DNAH9: variants seen among roughly 807,000 people sequenced by gnomAD.
DNAH9 encodes the protein DNAH9 variant protein.
A neutral mutation model predicts 471.6 loss-of-function variants in DNAH9; 345 were observed. The ratio of observed to expected loss-of-function variants is 0.73; its 90% CI spans 0.67 to 0.80. The LOEUF (loss-of-function observed/expected upper bound fraction) is 0.80. Ranked by LOEUF, DNAH9 falls within the 30% of genes least tolerant of loss-of-function variation. DNAH9 has a pLI of 0.00. For synonymous variants in DNAH9, 2,093 were observed against 2,123.6 expected (o/e 0.99, Z 0.40); for missense variants, 5,407 against 5,609.2 (o/e 0.96, Z 1.15).
chr17:11,804,749 C>T (rs1969602283), intron 43 of DNAH9, among the ~76,000 whole-genome samples: 2 of 151,964 alleles, frequency 1.3e-5, no homozygotes, highest in Admixed American at 1.3e-4. Context: ...TGGCAGGCAC[C>T]TGTAGTCCCA....
intron 61 of DNAH9, 38 bp from the exon 62 acceptor site, chr17:11,923,776 C>A (rs1353663178): frequency 6.2e-7 from 1 of 1,608,732 alleles, no homozygotes; most frequent in South Asian, 1.1e-5. Flanking sequence ...CATCATTAGA[C>A]ACAAGAAATA....
chr17:11,961,959 T>C lies in DNAH9; in HGVS notation c.12936T>C (p.Pro4312=), dbSNP rs1477601429. The change falls in exon 68 of 69, where the codon CCT becomes CCC. Residue 4312 remains proline (P), a synonymous_variant. Transcript: ENST00000262442. ...AGTCCTGGGCTAGACGAGCCTACCC[T>C]TCCACAGCAGGCCTGGCAGCCTGGT... ...VPESWARRAY[P]STAGLAAWFP... 9.3e-6 allele frequency: 15 copies of C among 1,614,038 alleles called. No individual in the cohort carries two copies. Among genetic ancestry groups the C allele is most frequent in the Non-Finnish European group, 1.3e-5 (15 of 1,180,038 alleles).
At chr17:11,690,841 C>G (rs2074322950) in intron 20 of DNAH9, among the ~76,000 whole-genome samples, 1 of 152,150 alleles carries the variant, frequency 6.6e-6, no homozygotes, top group African/African-American at 2.4e-5. Flanking sequence ...TCCTTCTCAG[C>G]AGCATGCCAT....
At chr17:11,748,215 T>C in intron 32 of DNAH9, among the ~76,000 whole-genome samples, 1 of 149,534 alleles carries the variant, frequency 6.7e-6, no homozygotes, top group East Asian at 2.0e-4. Context: ...TAGTCCCAGC[T>C]GCTCAGGAGA....
chr17:11,925,867 G>T (rs1460278262), intron 62 of DNAH9, among the ~76,000 whole-genome samples: 1 of 151,922 alleles, frequency 6.6e-6, no homozygotes. Flanking sequence ...GACGTAATCT[G>T]TCCACACTGT....
chr17:11,700,628 A>C (rs545273477), intron 23 of DNAH9, among the ~76,000 whole-genome samples: 21 of 152,320 alleles, frequency 1.4e-4, no homozygotes, highest in Admixed American at 3.3e-4. Context: ...ACCTATATCT[A>C]AGAAAGCAAT....
intron 66 of DNAH9, 49 bp from the exon 67 acceptor site, chr17:11,942,254 C>T (rs1296003079): frequency 6.9e-6 from 11 of 1,588,450 alleles, no homozygotes; most frequent in Non-Finnish European, 9.4e-6. Flanking sequence ...TGGATTCCTT[C>T]TGGAGAATAG....
intron 4 of DNAH9, among the ~76,000 whole-genome samples, chr17:11,616,361 G>A (rs901866590): frequency 6.6e-6 from 1 of 152,118 alleles, no homozygotes; most frequent in Non-Finnish European, 1.5e-5. Context: ...AGCTTCATCC[G>A]CATACTGTAA....
At chr17:11,651,570 T>C (rs143362339) in intron 13 of DNAH9, among the ~76,000 whole-genome samples, 1 of 151,718 alleles carries the variant, frequency 6.6e-6, no homozygotes, top group East Asian at 1.9e-4. Context: ...GCTCAGAAGT[T>C]GCATAAGATC....
chr17:11,868,631 T>C (rs1197371286), intron 50 of DNAH9, among the ~76,000 whole-genome samples: 2 of 152,078 alleles, frequency 1.3e-5, no homozygotes, highest in Non-Finnish European at 2.9e-5. Flanking sequence ...CAGCAGATAC[T>C]GGCAGTTGTC....
intron 43 of DNAH9, among the ~76,000 whole-genome samples, chr17:11,800,269 C>T (rs1300271443): frequency 6.6e-6 from 1 of 151,812 alleles, no homozygotes; most frequent in East Asian, 1.9e-4. Flanking sequence ...TCATGAACAC[C>T]CCTATCCCTA....
At position 11,902,885 on chromosome 17, in the gene DNAH9, G is replaced by A. The variant is rs746352278; in HGVS notation, c.11573G>A (p.Arg3858Gln). The A allele has an allele frequency of 1.9e-5, 30 of 1,613,558 alleles. No individual in the cohort carries two copies. The highest frequency in any genetic ancestry group is 2.7e-5 in the African/African-American group (2 of 74,912). The change falls in exon 60 of 69, where the codon CGG becomes CAG. Residue 3858 changes from arginine (R) to glutamine (Q), a missense_variant. This residue lies in a region of DNAH9 where 4,636 missense variants were observed against 4,900.3 expected (regional missense o/e 0.95). Transcript: ENST00000262442. ...CGCCTCTGCATGCTGAGAGCCATGC[G>A]GCCCGACCGGATGACCTATGCTTTG... ...LQRLCMLRAM[R>Q]PDRMTYALRD... is the part of the protein sequence containing the mutation.
intron 50 of DNAH9, among the ~76,000 whole-genome samples, chr17:11,864,947 A>G (rs369238709): frequency 4.6e-5 from 7 of 152,202 alleles, no homozygotes; most frequent in South Asian, 2.1e-4. Flanking sequence ...CCTGAATACA[A>G]CACACTGATA....
chr17:11,887,071 A>G (rs2151000674), intron 57 of DNAH9, 106 bp downstream of exon 57: 2 of 1,408,604 alleles, frequency 1.4e-6, no homozygotes, highest in Non-Finnish European at 1.9e-6. Context: ...AGCTATGGCA[A>G]GTCTGTAAGA....
chr17:11,927,491 A>G (rs771843426), intron 62 of DNAH9, among the ~76,000 whole-genome samples: 5 of 152,216 alleles, frequency 3.3e-5, no homozygotes, highest in Admixed American at 1.3e-4. Context: ...CAGTTCTCCC[A>G]GCACCATTTA....
At chr17:11,799,872 A>C (rs766837303) in intron 43 of DNAH9, among the ~76,000 whole-genome samples, 11 of 152,182 alleles carry the variant, frequency 7.2e-5, no homozygotes, top group Admixed American at 3.3e-4. Flanking sequence ...GGCCTGAGCC[A>C]CTGCGCCCAG....
intron 36 of DNAH9, among the ~76,000 whole-genome samples, chr17:11,765,107 G>A (rs977152364): frequency 1.4e-4 from 21 of 152,106 alleles, no homozygotes; most frequent in African/African-American, 4.6e-4. Flanking sequence ...ATGATCATAG[G>A]GGTACCCAGC....
intron 5 of DNAH9, 114 bp from the exon 6 acceptor site, chr17:11,619,434 C>A: frequency 1.4e-6 from 1 of 708,270 alleles, no homozygotes; most frequent in Non-Finnish European, 2.5e-6. Context: ...CAGATGTTTC[C>A]TCTATTATCC....
chr17:11,871,867 T>G, intron 52 of DNAH9, 81 bp downstream of exon 52: 4 of 1,449,620 alleles, frequency 2.8e-6, no homozygotes, highest in Non-Finnish European at 3.8e-6. Context: ...ATTCGCATCC[T>G]CTGGTGTCCT....
Sources: allele counts gnomAD v4.1 joint callset (sites outside exome capture counted in the v4.1 genomes callset), GRCh38; gene constraint gnomAD v4.1.1; regional missense constraint gnomAD v4.1.1; transcripts MANE v1.5; gene names NCBI Gene and HGNC (gene_info 2026-07-23, HGNC 2026-07-21).